The following PLEKHM2 variants were observed in gnomAD, a reference collection of about 807,000 sequenced individuals.
PLEKHM2 encodes the protein pleckstrin homology domain-containing family M member 2.
In PLEKHM2, 77 loss-of-function variants were observed where a neutral mutation model predicts 116.3. The ratio of observed to expected loss-of-function variants is 0.66; its 90% confidence interval spans 0.55 to 0.80. The LOEUF is 0.80. PLEKHM2 is among the 30% of genes least tolerant of loss of function. The pLI is 0.00. For synonymous variants in PLEKHM2, 562 were observed against 571.0 expected (o/e 0.98, Z 0.22); for missense variants, 1,183 against 1,354.9 (o/e 0.87, Z 1.99).
At chr1:15,716,188 C>A in intron 1 of PLEKHM2, 49 bp from the exon 2 acceptor site, 2 of 1,155,712 alleles carry the variant, frequency 1.7e-6, no homozygotes, top group Non-Finnish European at 2.5e-6. Context: ...ACTTTTGTAG[C>A]CTTCCTCTTA....
At chr1:15,693,353 A>T (rs1324679334) in intron 1 of PLEKHM2, among the ~76,000 whole-genome samples, 1 of 152,172 alleles carries the variant, frequency 6.6e-6, no homozygotes, top group East Asian at 1.9e-4. Flanking sequence ...ATGCCCGTTC[A>T]CTTTTAAGAT....
intron 1 of PLEKHM2, among the ~76,000 whole-genome samples, chr1:15,691,816 G>T (rs1304988791): frequency 6.6e-6 from 1 of 152,046 alleles, no homozygotes; most frequent in African/African-American, 2.4e-5. Context: ...GCTGGGGGCG[G>T]GGAGGCGAGG....
chr1:15,718,130 G>A, intron 4 of PLEKHM2, 138 bp downstream of exon 4: 1 of 652,216 alleles, frequency 1.5e-6, no homozygotes, highest in Non-Finnish European at 2.7e-6. Context: ...CCAGTAGCTG[G>A]GTAGCCTTCA....
In PLEKHM2 at chr1:15,726,995, C is replaced by G. The variant is rs578031030; in HGVS notation, c.942-19C>G. 2.9e-5 allele frequency: 42 copies of G among 1,441,240 alleles called. No homozygotes were observed. In the Admixed American group the frequency reaches 6.2e-4, roughly 21 times the overall value. 89.3% of individuals were successfully genotyped at this position (1,441,240 alleles called of 1,614,324 possible). On this transcript the variant is annotated intron_variant, in intron 8 of 19. Transcript: ENST00000375799. ...GGACTACTCAGGGGTTAACACTCTC[C>G]CCGTCGTTACTGTCCCAGGGTCACC...
At chr1:15,684,159 GTC>G (rs1365846442), upstream of PLEKHM2, 1 of 149,054 alleles carries the variant, frequency 6.7e-6, no homozygotes, top group Non-Finnish European at 1.5e-5. Flanking sequence ...GCCGGGGAGA[GTC>G]TGTGACTTGA....
Position 15,721,051 on chromosome 1 carries a change from C to T in PLEKHM2, c.653-278C>T. The T allele has an allele frequency of 9.9e-6, 4 of 403,186 alleles. No homozygotes were observed. Among genetic ancestry groups the T allele is most frequent in the Admixed American group, 4.4e-5 (1 of 22,526 alleles). 25.0% of individuals were successfully genotyped at this position (403,186 alleles called of 1,614,324 possible). On this transcript the variant is annotated intron_variant, in intron 6 of 19. Coordinates refer to ENST00000375799, the MANE Select transcript of PLEKHM2 (RefSeq NM_015164.4). This position sits in a 1 kb window ranked among gnomAD's most constrained non-coding sequence, Gnocchi z 5.1. ...AGAAAACAAAGCTAGGCACAGGCAG[C>T]CAGGCTTCTCTCTGCCAGAACCAGC...
rs1341963290 is a variant in PLEKHM2, at chr1:15,719,850, C to T, written c.582C>T (p.Leu194=). The part of the protein sequence containing the change: ...SSVHGSDSLS[L]NSFNSVTSTN... ...TCCACGGCTCAGACAGTCTGTCCCT[C>T]AACTCTTTCAACTCCGTCACCTCCA... Residue 194 remains leucine, a synonymous_variant, in exon 6 of 20, where the codon CTC becomes CTT. Transcript: ENST00000375799. The surrounding 1 kb of genome is among the most constrained non-coding windows in gnomAD (Gnocchi z 4.1). The T allele has an allele frequency of 2.5e-6, 4 of 1,613,874 alleles. No individual in the cohort carries two copies. The highest frequency in any genetic ancestry group is 3.4e-6 in the Non-Finnish European group (4 of 1,179,826).
chr1:15,728,157 T>C lies in PLEKHM2; in HGVS notation c.1830+9T>C. On this transcript the variant is annotated intron_variant, in intron 10 of 19. Transcript: ENST00000375799. This position sits in a 1 kb window ranked among gnomAD's most constrained non-coding sequence, Gnocchi z 5.9. ...AAGAGCAGCTGTTCAAAGTAAGTCC[T>C]AGGAACTCAGGAGTGAGCAAGAGAC... The C allele has an allele frequency of 6.2e-7, 1 of 1,610,248 alleles. No homozygotes were observed. Among genetic ancestry groups the C allele is most frequent in the South Asian group, 1.1e-5 (1 of 90,532 alleles).
At chr1:15,690,071 T>TG in intron 1 of PLEKHM2, among the ~76,000 whole-genome samples, 1 of 148,884 alleles carries the variant, frequency 6.7e-6, no homozygotes, top group East Asian at 2.0e-4. Context: ...TTTTTTTTTT[T>TG]TTGTTTTGTT....
chr1:15,684,441 G>A lies in PLEKHM2; in HGVS notation c.-118G>A. ...CGCCGGGCCCCGCGGCCGGCACGAC[G>A]GAGCCCCCGTACGGCCGGCGGCAGC... On this transcript the variant is annotated 5_prime_UTR_variant, in exon 1 of 20. Coordinates refer to ENST00000375799, the MANE Select transcript of PLEKHM2 (RefSeq NM_015164.4). 4.4e-6 allele frequency: 2 copies of A among 459,526 alleles called. No homozygotes were observed. Among genetic ancestry groups the A allele is most frequent in the Non-Finnish European group, 5.7e-6 (2 of 351,510 alleles). 28.5% of individuals were successfully genotyped at this position (459,526 alleles called of 1,614,324 possible).
chr1:15,683,540 A>T (rs1415886919), upstream of PLEKHM2, among the ~76,000 whole-genome samples: 1 of 103,128 alleles, frequency 9.7e-6, no homozygotes, highest in Admixed American at 9.5e-5. Flanking sequence ...GTGGGGTCGG[A>T]GTCTCCAGAG....
chr1:15,718,064 C>A, intron 4 of PLEKHM2, 72 bp downstream of exon 4: 2 of 943,906 alleles, frequency 2.1e-6, no homozygotes, highest in South Asian at 1.4e-5. Flanking sequence ...AGGCTCTTGT[C>A]ATGCAGACAG....
At chr1:15,682,478 A>G (rs527269548), upstream of PLEKHM2, among the ~76,000 whole-genome samples, 1 of 150,272 alleles carries the variant, frequency 6.7e-6, no homozygotes, top group African/African-American at 2.4e-5. Context: ...TTAGCTGGGC[A>G]TGGTGTCACA....
At chr1:15,703,525 A>G (rs1020099810) in intron 1 of PLEKHM2, among the ~76,000 whole-genome samples, 4 of 152,208 alleles carry the variant, frequency 2.6e-5, no homozygotes, top group Admixed American at 2.6e-4. Context: ...GAAGGACGTC[A>G]CTTGGAACTG....
At chr1:15,708,216 A>ATTTTTCT (rs758589080) in intron 1 of PLEKHM2, among the ~76,000 whole-genome samples, 3 of 138,732 alleles carry the variant, frequency 2.2e-5, no homozygotes, top group Non-Finnish European at 4.6e-5. Flanking sequence ...AGGGAACTGC[A>ATTTTTCT]TTTTTCTTTT....
At chr1:15,732,189 G>T (rs1243413381) in intron 17 of PLEKHM2, 141 bp downstream of exon 17, 2 of 937,636 alleles carry the variant, frequency 2.1e-6, no homozygotes, top group Non-Finnish European at 3.2e-6. Flanking sequence ...ATGGACCCTG[G>T]AGCTCAGAGG....
chr1:15,683,360 C>T (rs972814346), upstream of PLEKHM2, among the ~76,000 whole-genome samples: 6 of 151,298 alleles, frequency 4.0e-5, no homozygotes, highest in African/African-American at 7.3e-5. Context: ...GTGGGGCTTG[C>T]AGGCTAAGAG....
chr1:15,689,297 G>A (rs1359507802), intron 1 of PLEKHM2, among the ~76,000 whole-genome samples: 2 of 151,246 alleles, frequency 1.3e-5, no homozygotes, highest in African/African-American at 4.9e-5. Context: ...CAGAGAAAGA[G>A]AAGAAGCAGG....
intron 1 of PLEKHM2, among the ~76,000 whole-genome samples, chr1:15,696,334 C>T (rs907241252): frequency 1.3e-5 from 2 of 152,160 alleles, no homozygotes; most frequent in African/African-American, 4.8e-5. Context: ...AACCACCTAA[C>T]AAATATTTGT....
Sources: gnomAD v4.1 joint callset for allele counts (sites outside exome capture counted in the v4.1 genomes callset) on GRCh38, gnomAD v4.1.1 for gene constraint, Gnocchi (gnomAD v3.1) non-coding constraint, MANE v1.5 for transcripts, NCBI Gene and HGNC (gene_info 2026-07-23, HGNC 2026-07-21) for gene names.